The following TRIO variants were observed in gnomAD, a reference collection of about 807,000 sequenced individuals.
TRIO encodes the protein triple functional domain protein.
A neutral mutation model predicts 351.9 loss-of-function variants in TRIO; 58 were observed. The ratio of observed to expected loss-of-function variants is 0.16; its 90% CI spans 0.13 to 0.21. The LOEUF is 0.21. Ranked by LOEUF, TRIO falls within the 10% of genes least tolerant of loss-of-function variation. The probability of loss-of-function intolerance (pLI) is 1.00; values close to 1 mark genes in which losing one functional copy is unlikely to be tolerated. For missense variants in TRIO, 3,201 were observed against 4,027.8 expected, an observed-to-expected ratio of 0.79 and a Z score of 5.56; for synonymous variants, 1,758 against 1,595.7, an observed-to-expected ratio of 1.10 and a Z score of -2.42.
intron 34 of TRIO, among the ~76,000 whole-genome samples, chr5:14,452,503 C>T (rs192524664): frequency 1.5e-4 from 23 of 152,350 alleles, no homozygotes; most frequent in Middle Eastern, 6.8e-3. Flanking sequence ...GTTAGTGGAA[C>T]CCCGGCCCGG....
At chr5:14,236,469 C>T (rs1020050724) in intron 1 of TRIO, among the ~76,000 whole-genome samples, 4 of 152,096 alleles carry the variant, frequency 2.6e-5, no homozygotes, top group African/African-American at 9.7e-5. Flanking sequence ...GATATATGCA[C>T]TTATTTTTCT....
chr5:14,229,709 C>T (rs1053000221), intron 1 of TRIO, among the ~76,000 whole-genome samples: 3 of 152,092 alleles, frequency 2.0e-5, no homozygotes, highest in East Asian at 1.9e-4. Flanking sequence ...CATTGTGTAA[C>T]GCTCATTGTA....
chr5:14,376,149 TCTTA>T (rs955186203), intron 19 of TRIO, among the ~76,000 whole-genome samples: 1 of 152,174 alleles, frequency 6.6e-6, no homozygotes, highest in Non-Finnish European at 1.5e-5. Context: ...GCTCTTCTGT[TCTTA>T]CTTATCACAA....
At chr5:14,182,788 TC>T (rs371742877) in intron 1 of TRIO, among the ~76,000 whole-genome samples, 5 of 152,226 alleles carry the variant, frequency 3.3e-5, no homozygotes, top group Non-Finnish European at 5.9e-5. Flanking sequence ...AATTTGGAGT[TC>T]TGATGATTTT....
intron 29 of TRIO, among the ~76,000 whole-genome samples, chr5:14,397,766 C>G (rs1388405493): frequency 6.6e-6 from 1 of 152,106 alleles, no homozygotes; most frequent in Non-Finnish European, 1.5e-5. Context: ...ATGGGTAACA[C>G]TGAACATAGG....
intron 34 of TRIO, among the ~76,000 whole-genome samples, chr5:14,421,832 C>T (rs1750188496): frequency 6.6e-6 from 1 of 152,042 alleles, no homozygotes; most frequent in African/African-American, 2.4e-5. Context: ...AAAAGTCGGG[C>T]AACAAGGGAT....
chr5:14,497,784 T>A lies in TRIO; in HGVS notation c.8020-63T>A. 1.2e-6 allele frequency: 2 copies of A among 1,602,738 alleles called. No homozygotes were observed. Among genetic ancestry groups the A allele is most frequent in the Non-Finnish European group, 1.7e-6 (2 of 1,169,820 alleles). On this transcript the variant is annotated intron_variant, in intron 50 of 56. Coordinates refer to ENST00000344204, the MANE Select transcript of TRIO (RefSeq NM_007118.4). The surrounding 1 kb of genome is among the most constrained non-coding windows in gnomAD (Gnocchi z 4.4). ...TTCAACAATAATTGTAGCCCTGGAA[T>A]GAAAGGAATACACCTTAAAGTAGCT...
chr5:14,316,362 T>G, intron 8 of TRIO, 151 bp from the exon 9 acceptor site: 1 of 733,672 alleles, frequency 1.4e-6, no homozygotes, highest in Non-Finnish European at 2.3e-6. Context: ...AAAACTGTGG[T>G]GTGTGAATGA....
intron 34 of TRIO, among the ~76,000 whole-genome samples, chr5:14,452,312 C>G (rs531944831): frequency 6.6e-6 from 1 of 152,246 alleles, no homozygotes; most frequent in Non-Finnish European, 1.5e-5. Flanking sequence ...TCCTACACAT[C>G]AGTGTGAGTA....
Position 14,166,865 on chromosome 5 carries a change from G to A in TRIO, c.157+22983G>A, listed in dbSNP as rs552178439. On this transcript the variant is annotated intron_variant, in intron 1 of 56. Coordinates refer to ENST00000344204, the MANE Select transcript of TRIO (RefSeq NM_007118.4). The stretch of plus-strand genomic sequence containing the variant: ...GAGGTGTGCGTGTCTGTGGAATATG[G>A]GCATAGGCAGCAGTGGAGAAGGGAG... Among the ~76,000 whole-genome samples the A allele has an allele frequency of 2.6e-5, 4 of 152,258 alleles. No homozygotes were observed. In the East Asian group the frequency reaches 5.8e-4, roughly 22 times the overall value.
chr5:14,202,564 C>T (rs1791205042), intron 1 of TRIO, among the ~76,000 whole-genome samples: 1 of 151,574 alleles, frequency 6.6e-6, no homozygotes, highest in East Asian at 1.9e-4. Flanking sequence ...TCATAATTCC[C>T]ACATGTTGTG....
intron 34 of TRIO, among the ~76,000 whole-genome samples, chr5:14,425,809 C>G (rs1259910076): frequency 1.3e-5 from 2 of 152,186 alleles, no homozygotes; most frequent in Non-Finnish European, 2.9e-5. Context: ...CTTTGAGGAG[C>G]AGGCCCTCTT....
chr5:14,294,989 A>G (rs979891818), intron 6 of TRIO, among the ~76,000 whole-genome samples: 1 of 152,178 alleles, frequency 6.6e-6, no homozygotes, highest in Non-Finnish European at 1.5e-5. Context: ...TTTCTAAGTT[A>G]AACTTGTAAT....
intron 1 of TRIO, among the ~76,000 whole-genome samples, chr5:14,245,229 G>T (rs903652392): frequency 1.3e-5 from 2 of 152,186 alleles, no homozygotes; most frequent in African/African-American, 4.8e-5. Flanking sequence ...TATTGTAAAA[G>T]CTCCTTTGCA....
chr5:14,507,231 A>G lies in TRIO; in HGVS notation c.8722A>G (p.Asn2908Asp). ...EVLEAVRYLHNCRIAHLDLKP... is the reference protein window; with the variant it reads ...EVLEAVRYLHDCRIAHLDLKP... ...TCTGGAAGCTGTCCGGTACCTGCAC[A>G]ACTGCAGGATAGCACACCTGGACCT... The change falls in exon 56 of 57, where the codon AAC becomes GAC. Residue 2908 changes from asparagine to aspartate, a missense_variant. Asn to Asp is a conservative substitution (Grantham distance 23). Transcript: ENST00000344204. 6.2e-7 allele frequency: 1 copy of G among 1,611,840 alleles called. No homozygotes were observed. Among genetic ancestry groups the G allele is most frequent in the Non-Finnish European group, 8.5e-7 (1 of 1,179,880 alleles).
At chr5:14,477,860 A>G (rs1346232943) in intron 41 of TRIO, among the ~76,000 whole-genome samples, 1 of 152,192 alleles carries the variant, frequency 6.6e-6, no homozygotes, top group Non-Finnish European at 1.5e-5. Context: ...GAACTTGACC[A>G]CCCATCTCTT....
chr5:14,398,819 C>T (rs1201870656), intron 29 of TRIO, 61 bp from the exon 30 acceptor site: 33 of 1,474,684 alleles, frequency 2.2e-5, no homozygotes, highest in Middle Eastern at 1.8e-4. Context: ...ATAATGCTTT[C>T]TTGTGCATCA....
intron 39 of TRIO, 40 bp from the exon 40 acceptor site, chr5:14,473,954 T>G: frequency 1.3e-6 from 2 of 1,582,500 alleles, no homozygotes; most frequent in Non-Finnish European, 1.7e-6. Context: ...GATTCAGACA[T>G]ATTCCATGAA....
At chr5:14,410,326 CCTT>C (rs1187606938) in intron 33 of TRIO, among the ~76,000 whole-genome samples, 1 of 152,146 alleles carries the variant, frequency 6.6e-6, no homozygotes, top group Admixed American at 6.5e-5. Context: ...CCATCTCCCT[CCTT>C]ATGCCTCTCC....
Sources: gnomAD v4.1 joint callset for allele counts (sites outside exome capture counted in the v4.1 genomes callset) on GRCh38, gnomAD v4.1.1 for gene constraint, Gnocchi (gnomAD v3.1) non-coding constraint, MANE v1.5 for transcripts, NCBI Gene and HGNC (gene_info 2026-07-23, HGNC 2026-07-21) for gene names.